The following STX11 variants were observed in gnomAD, a reference collection of about 807,000 sequenced individuals.
The protein encoded by STX11 is syntaxin-11.
A neutral mutation model predicts 19.9 loss-of-function variants in STX11; 21 were observed. The observed-to-expected ratio is 1.06, with a 90% CI of 0.75 to 1.52. STX11 has a LOEUF of 1.52. Among genes scored for constraint, STX11 ranks in the 40% most tolerant of loss-of-function variants. STX11 has a pLI of 0.00. For synonymous variants in STX11, 193 were observed against 174.4 expected (o/e 1.11, Z -0.84); for missense variants, 438 against 405.9 (o/e 1.08, Z -0.68).
intron 1 of STX11, among the ~76,000 whole-genome samples, chr6:144,150,984 T>A (rs1227873116): frequency 6.6e-6 from 1 of 152,230 alleles, no homozygotes; most frequent in East Asian, 1.9e-4. Flanking sequence ...GTAAGAATTA[T>A]TTTAGGGATA....
Position 144,176,241 on chromosome 6 carries a change from C to G in STX11, c.-5-10382C>G, listed in dbSNP as rs1801775146. ...ACTAGCGCCTCCCACCCTAACTCCC[C>G]CAACAGCTTCAGTGCATGATTAAGT... On this transcript the variant is annotated intron_variant, in intron 1 of 1. Coordinates refer to ENST00000367568, the MANE Select transcript of STX11 (RefSeq NM_003764.4). This position sits in a 1 kb window ranked among gnomAD's most constrained non-coding sequence, Gnocchi z 4.1. Among the ~76,000 whole-genome samples the G allele has an allele frequency of 1.3e-5, 2 of 152,172 alleles. No individual in the cohort carries two copies. Among genetic ancestry groups the G allele is most frequent in the African/African-American group, 4.8e-5 (2 of 41,432 alleles).
intron 1 of STX11, among the ~76,000 whole-genome samples, chr6:144,173,593 G>A (rs6940484): frequency 0.52 from 78,618 of 151,904 alleles, 22,048 homozygotes; most frequent in African/African-American, 0.75. Context: ...TGTCTCTATC[G>A]TGCAGAACTT....
chr6:144,180,582 G>A lies in STX11; in HGVS notation c.-5-6041G>A, dbSNP rs1211092752. Among the ~76,000 whole-genome samples the A allele has an allele frequency of 2.0e-5, 3 of 152,176 alleles. No homozygotes were observed. The highest frequency in any genetic ancestry group is 4.4e-5 in the Non-Finnish European group (3 of 68,030). On this transcript the variant is annotated intron_variant, in intron 1 of 1. Coordinates refer to ENST00000367568, the MANE Select transcript of STX11 (RefSeq NM_003764.4). This position sits in a 1 kb window ranked among gnomAD's most constrained non-coding sequence, Gnocchi z 5.3. ...ATTTTCTCTTGCCACCACAATGTAA[G>A]AAGTGCCTTTCACCTCCCACTATGA...
In STX11 at chr6:144,188,297, A is replaced by G. The variant is rs531723140; in HGVS notation, c.*806A>G. ...AAATGTAAAATACTAATATTCACTA[A>G]TATATGTACATAATGATCAATTGGT... is the stretch of plus-strand genomic sequence containing the variant. On this transcript the variant is annotated 3_prime_UTR_variant, in exon 2 of 2. Transcript: ENST00000367568. 8.7e-6 allele frequency: 2 copies of G among 230,790 alleles called. No homozygotes were observed. The highest frequency in any genetic ancestry group is 1.4e-4 in the East Asian group (2 of 14,056). The allele number at this position is 230,790 out of a possible 1,614,324, so 14.3% of individuals were successfully genotyped here. A position where few individuals can be genotyped will look rare whatever the true frequency, so the allele number is the denominator to read the frequency against.
At chr6:144,140,258 A>ATATATT in the STX11 span, among the ~76,000 whole-genome samples, 2 of 52,480 alleles carry the variant, frequency 3.8e-5, no homozygotes, top group African/African-American at 2.8e-4. Flanking sequence ...ATATATATTT[A>ATATATT]TTTATTTATT....
rs1562655278 is a variant in STX11 at position 144,155,945 on chromosome 6, T to TC, written c.-6+5243dup. On this transcript the variant is annotated intron_variant, in intron 1 of 1. Transcript: ENST00000367568. This position sits in a 1 kb window ranked among gnomAD's most constrained non-coding sequence, Gnocchi z 4.5. ...TAAATGTGTTTTAAAATTTAATCTT[T>TC]CTTTCTTTCTTTCTTTCTTTCTTTC... 1.9e-3 allele frequency among the ~76,000 whole-genome samples: 14 copies of TC among 7,510 alleles called. No individual in the cohort carries two copies. The highest frequency in any genetic ancestry group is 3.2e-3 in the African/African-American group (14 of 4,360). The allele number at this position is 7,510 out of a possible 152,430, so 4.9% of individuals were successfully genotyped here. A position where few individuals can be genotyped will look rare whatever the true frequency, so the allele number is the denominator to read the frequency against.
At chr6:144,147,463 A>G (rs1011050126), upstream of STX11, among the ~76,000 whole-genome samples, 104 of 152,260 alleles carry the variant, frequency 6.8e-4, no homozygotes, top group African/African-American at 2.4e-3. The surrounding 1 kb of genome is among the most constrained non-coding windows in gnomAD (Gnocchi z 4.2). Flanking sequence ...ACTAATCAGA[A>G]CTTCTCATTC....
the STX11 span, among the ~76,000 whole-genome samples, chr6:144,144,315 C>T: frequency 6.6e-6 from 1 of 152,270 alleles, no homozygotes; most frequent in Middle Eastern, 3.4e-3. Flanking sequence ...CACTGAGTGT[C>T]CAAATACAAT....
rs73585213 is a variant in STX11 at position 144,175,055 on chromosome 6, C to T, written c.-5-11568C>T. 9.8e-3 allele frequency among the ~76,000 whole-genome samples: 1,496 copies of T among 152,134 alleles called. 21 individuals are homozygous for T. Among genetic ancestry groups the T allele is most frequent in the African/African-American group, 0.034 (1,403 of 41,504 alleles). On this transcript the variant is annotated intron_variant, in intron 1 of 1. Transcript: ENST00000367568. The surrounding 1 kb of genome is among the most constrained non-coding windows in gnomAD (Gnocchi z 5.1). ...CTTGAGGCCAAGAGTTCGAGACCAA[C>T]CTGGCCAATGTAATGAAACCCTGTC...
intron 1 of STX11, among the ~76,000 whole-genome samples, chr6:144,178,376 A>G (rs1216845405): frequency 6.6e-6 from 1 of 152,252 alleles, no homozygotes; most frequent in Non-Finnish European, 1.5e-5. Context: ...TGTTCACTGT[A>G]GAGCAGAATG....
In STX11 at chr6:144,189,539, C is replaced by G. The variant is rs949648592; in HGVS notation, c.*2048C>G. Reference sequence around the variant, plus strand: ...ATTTACCATGTTTCCTGGCCTTCCTCTGTGTCAACTCTTAGCTCTTCCTAA... The same window carrying G: ...ATTTACCATGTTTCCTGGCCTTCCTGTGTGTCAACTCTTAGCTCTTCCTAA... On this transcript the variant is annotated 3_prime_UTR_variant, in exon 2 of 2. Coordinates refer to ENST00000367568, the MANE Select transcript of STX11 (RefSeq NM_003764.4). 6.6e-6 allele frequency among the ~76,000 whole-genome samples: 1 copy of G among 152,192 alleles called. No individual in the cohort carries two copies. The highest frequency in any genetic ancestry group is 1.5e-5 in the Non-Finnish European group (1 of 68,036).
chr6:144,154,941 G>T lies in STX11; in HGVS notation c.-6+4238G>T, dbSNP rs765271789. Among the ~76,000 whole-genome samples the T allele has an allele frequency of 6.6e-6, 1 of 150,904 alleles. No homozygotes were observed. Among genetic ancestry groups the T allele is most frequent in the Non-Finnish European group, 1.5e-5 (1 of 67,672 alleles). ...TTTTGACCAACAACCCTGTCCACCC[G>T]CCCCCACCGCCTCCAAAAAAATGAT... is the stretch of plus-strand genomic sequence containing the variant. On this transcript the variant is annotated intron_variant, in intron 1 of 1. Transcript: ENST00000367568. This position sits in a 1 kb window ranked among gnomAD's most constrained non-coding sequence, Gnocchi z 4.7.
At chr6:144,173,596 C>A (rs913132813) in intron 1 of STX11, among the ~76,000 whole-genome samples, 2 of 152,166 alleles carry the variant, frequency 1.3e-5, no homozygotes, top group African/African-American at 4.8e-5. Flanking sequence ...CTCTATCGTG[C>A]AGAACTTCTA....
the STX11 span, among the ~76,000 whole-genome samples, chr6:144,141,321 T>C: frequency 2.0e-4 from 31 of 152,326 alleles, no homozygotes; most frequent in African/African-American, 7.2e-4. Flanking sequence ...TAAGCAAATA[T>C]ATCAAAGAAA....
upstream of STX11, among the ~76,000 whole-genome samples, chr6:144,150,121 G>A (rs1800955264): frequency 6.6e-6 from 1 of 152,242 alleles, no homozygotes. Flanking sequence ...CGCAGCTTCC[G>A]CAGCCACACC....
At chr6:144,164,940 G>A (rs969933117) in intron 1 of STX11, among the ~76,000 whole-genome samples, 12 of 151,714 alleles carry the variant, frequency 7.9e-5, no homozygotes, top group Non-Finnish European at 1.5e-4. Flanking sequence ...CAGGTGATCC[G>A]CCTGCCTCGG....
intron 1 of STX11, among the ~76,000 whole-genome samples, chr6:144,185,795 A>G (rs557360512): frequency 2.0e-5 from 3 of 152,284 alleles, no homozygotes; most frequent in African/African-American, 7.2e-5. Flanking sequence ...CAACTTCTAA[A>G]TTTTACACTT....
At chr6:144,166,689 C>A (rs1269485221) in intron 1 of STX11, among the ~76,000 whole-genome samples, 2 of 151,964 alleles carry the variant, frequency 1.3e-5, no homozygotes, top group Admixed American at 6.6e-5. Context: ...CCACACCCTG[C>A]TAATTTTTGT....
rs1251744594 is a variant in STX11 at position 144,155,819 on chromosome 6, T to C, written c.-6+5116T>C. 6.6e-6 allele frequency among the ~76,000 whole-genome samples: 1 copy of C among 152,216 alleles called. No homozygotes were observed. The highest frequency in any genetic ancestry group is 6.5e-5 in the Admixed American group (1 of 15,288). Reference sequence around the variant, plus strand: ...TTATGGATACCAGACATTATCTGTGTATTTCATTCAACTTCTTTGTAAGGC... The same window carrying C: ...TTATGGATACCAGACATTATCTGTGCATTTCATTCAACTTCTTTGTAAGGC... On this transcript the variant is annotated intron_variant, in intron 1 of 1. Transcript: ENST00000367568. This position sits in a 1 kb window ranked among gnomAD's most constrained non-coding sequence, Gnocchi z 4.5.
Sources: gnomAD v4.1 joint callset for allele counts (sites outside exome capture counted in the v4.1 genomes callset) on GRCh38, gnomAD v4.1.1 for gene constraint, Gnocchi (gnomAD v3.1) non-coding constraint, MANE v1.5 for transcripts, NCBI Gene and HGNC (gene_info 2026-07-23, HGNC 2026-07-21) for gene names.